Variants in TTC7A observed in about 807,000 individuals in gnomAD.
TTC7A encodes the protein tetratricopeptide repeat domain 7A.
In TTC7A, 110 loss-of-function variants were observed where a neutral mutation model predicts 103.7. That is an observed-to-expected ratio of 1.06 (90% CI 0.91 to 1.24). TTC7A has a LOEUF of 1.24. Ranked by LOEUF, TTC7A falls within the 50% of genes most tolerant of loss-of-function variation. The pLI, the probability that TTC7A is intolerant of heterozygous loss-of-function variation, is 0.00. For synonymous variants in TTC7A, 521 were observed against 467.9 expected (o/e 1.11, Z -1.47); for missense variants, 1,340 against 1,116.3 (o/e 1.20, Z -2.86).
At chr2:47,057,008 G>A (rs115754131) in intron 18 of TTC7A, among the ~76,000 whole-genome samples, 1,829 of 152,330 alleles carry the variant, frequency 0.012, 43 homozygotes, top group African/African-American at 0.042. Flanking sequence ...ATGGATGTGG[G>A]CACCACTGGG....
chr2:46,957,259 C>T (rs1426242267), intron 3 of TTC7A, among the ~76,000 whole-genome samples: 1 of 152,284 alleles, frequency 6.6e-6, no homozygotes, highest in East Asian at 1.9e-4. Flanking sequence ...TACCCTTGGG[C>T]AATCACCTCT....
intron 11 of TTC7A, among the ~76,000 whole-genome samples, chr2:47,013,259 C>T (rs1017891793): frequency 1.3e-5 from 2 of 152,172 alleles, no homozygotes; most frequent in Non-Finnish European, 2.9e-5. Context: ...TCATGAGTAT[C>T]AGGGAACCCT....
At chr2:46,962,229 C>G (rs1044406979) in intron 3 of TTC7A, among the ~76,000 whole-genome samples, 1 of 152,142 alleles carries the variant, frequency 6.6e-6, no homozygotes, top group Non-Finnish European at 1.5e-5. Context: ...TTTCTTCACT[C>G]TGCACAAAGC....
intron 15 of TTC7A, among the ~76,000 whole-genome samples, chr2:47,038,316 A>T (rs11901122): frequency 0.043 from 6,495 of 151,752 alleles, 188 homozygotes; most frequent in South Asian, 0.1. Flanking sequence ...CCAAGGTCAC[A>T]TGGCTACAAG....
chr2:47,062,521 G>A (rs1301995645), intron 19 of TTC7A, among the ~76,000 whole-genome samples: 1 of 152,168 alleles, frequency 6.6e-6, no homozygotes, highest in Non-Finnish European at 1.5e-5. Context: ...TTTGATAAAT[G>A]CCTCGCCAGA....
Position 47,074,033 on chromosome 2 carries a change from A to G in TTC7A, c.*110A>G, listed in dbSNP as rs1685012953. The G allele has an allele frequency of 5.1e-6, 4 of 791,412 alleles. No homozygotes were observed. The highest frequency in any genetic ancestry group is 3.7e-4 in the Middle Eastern group (1 of 2,704). 49.0% of individuals were successfully genotyped at this position (791,412 alleles called of 1,614,324 possible). Reference sequence around the variant, plus strand: ...CAGGTGCGGGGCCTCAGGGAAATACATCTTTAGTGAACGCCTCTGCAGCTG... The same window carrying G: ...CAGGTGCGGGGCCTCAGGGAAATACGTCTTTAGTGAACGCCTCTGCAGCTG... On this transcript the variant is annotated 3_prime_UTR_variant, in exon 20 of 20. Transcript: ENST00000319190.
At chr2:47,068,862 CAA>C (rs201835431) in intron 19 of TTC7A, among the ~76,000 whole-genome samples, 4 of 69,800 alleles carry the variant, frequency 5.7e-5, no homozygotes, top group East Asian at 2.3e-4. Flanking sequence ...TCAATTTTTT[CAA>C]AAAAAAAAAA....
chr2:46,939,844 C>G (rs1043985143), upstream of TTC7A, among the ~76,000 whole-genome samples: 2 of 152,188 alleles, frequency 1.3e-5, no homozygotes, highest in Admixed American at 6.5e-5. Context: ...CTGGAGTAAG[C>G]CAGGAGTTTA....
At chr2:46,975,816 A>G (rs1309962571) in intron 4 of TTC7A, among the ~76,000 whole-genome samples, 1 of 151,962 alleles carries the variant, frequency 6.6e-6, no homozygotes, top group Non-Finnish European at 1.5e-5. Context: ...AGCTCACTGT[A>G]ACCTCCACCT....
chr2:46,946,595 T>C (rs962605285), intron 1 of TTC7A, among the ~76,000 whole-genome samples: 2 of 152,086 alleles, frequency 1.3e-5, no homozygotes, highest in Non-Finnish European at 2.9e-5. Context: ...AGCTAACTTT[T>C]TTTGTGTGTA....
rs1019529826 is a variant in TTC7A, at chr2:47,007,723, C to T, written c.1287+999C>T. Among the ~76,000 whole-genome samples the T allele has an allele frequency of 2.0e-5, 3 of 152,122 alleles. No homozygotes were observed. The highest frequency in any genetic ancestry group is 2.1e-4 in the South Asian group (1 of 4,832). On this transcript the variant is annotated intron_variant, in intron 10 of 19. Coordinates refer to ENST00000319190, the MANE Select transcript of TTC7A (RefSeq NM_020458.4). This position sits in a 1 kb window ranked among gnomAD's most constrained non-coding sequence, Gnocchi z 4.9. ...AGGAGCAGGTGCTGCAGCCTGAGTG[C>T]GGGGAGAGGCTTGCTGGGGAGCCTT...
At chr2:46,956,550 CAG>C (rs928835819) in intron 2 of TTC7A, 8 of 368,520 alleles carry the variant, frequency 2.2e-5, no homozygotes, top group Non-Finnish European at 4.0e-5. Context: ...AGAGGGAAGA[CAG>C]GGCCTAGTCT....
Position 46,978,562 on chromosome 2 carries a change from T to TA in TTC7A, c.649-217dup, listed in dbSNP as rs74444627. Among the ~76,000 whole-genome samples, 157 of 132,752 alleles carry TA rather than the reference T, an allele frequency of 1.2e-3. 3 individuals are homozygous for TA. The highest frequency in any genetic ancestry group is 3.9e-3 in the Middle Eastern group (1 of 256). The allele number at this position is 132,752 out of a possible 152,430, so 87.1% of individuals were successfully genotyped here. ...GGCAACATAGTAAGACCCTGTTTCT[T>TA]AAAAAAAAAAAAAGACAGAGGGCTT... is the stretch of plus-strand genomic sequence containing the variant. On this transcript the variant is annotated intron_variant, in intron 4 of 19. Coordinates refer to ENST00000319190, the MANE Select transcript of TTC7A (RefSeq NM_020458.4).
chr2:46,935,225 G>A (rs1669918350), intron 2 of TTC7A, among the ~76,000 whole-genome samples: 1 of 152,072 alleles, frequency 6.6e-6, no homozygotes, highest in African/African-American at 2.4e-5. Context: ...GTGTGTGGAG[G>A]AACAGCTCAT....
intron 4 of TTC7A, among the ~76,000 whole-genome samples, 171 bp downstream of exon 4, chr2:46,975,274 C>A (rs968595580): frequency 6.6e-6 from 1 of 152,184 alleles, no homozygotes; most frequent in African/African-American, 2.4e-5. Flanking sequence ...ATACTGATTC[C>A]ACTAGAATGA....
At chr2:46,943,874 A>G (rs931712358) in intron 1 of TTC7A, among the ~76,000 whole-genome samples, 4 of 152,212 alleles carry the variant, frequency 2.6e-5, no homozygotes, top group Admixed American at 1.3e-4. Context: ...GGTGTCTGAT[A>G]TTTCCTACAG....
At chr2:46,979,233 A>C (rs1202808176) in intron 5 of TTC7A, among the ~76,000 whole-genome samples, 1 of 152,150 alleles carries the variant, frequency 6.6e-6, no homozygotes, top group Non-Finnish European at 1.5e-5. Flanking sequence ...AGCAAAGGAC[A>C]GTGAGCTGGC....
intron 2 of TTC7A, among the ~76,000 whole-genome samples, chr2:46,919,821 AG>A (rs922974524): frequency 1.3e-5 from 2 of 152,360 alleles, no homozygotes; most frequent in Admixed American, 1.3e-4. Flanking sequence ...AAGAAACTGC[AG>A]TTTCTTTTGT....
chr2:47,030,355 C>T lies in TTC7A; in HGVS notation c.1802+971C>T, dbSNP rs572232513. On this transcript the variant is annotated intron_variant, in intron 15 of 19. Coordinates refer to ENST00000319190, the MANE Select transcript of TTC7A (RefSeq NM_020458.4). Reference sequence around the variant, plus strand: ...GCCTAGGGAGGTTCCCATCACTGGGCTTTCACCTCTGTCCATCCCCAGCCC... The same window carrying T: ...GCCTAGGGAGGTTCCCATCACTGGGTTTTCACCTCTGTCCATCCCCAGCCC... Among the ~76,000 whole-genome samples, 529 of 151,986 alleles carry T rather than the reference C, an allele frequency of 3.5e-3. 1 individual carries two copies. The highest frequency in any genetic ancestry group is 6.5e-3 in the Non-Finnish European group (439 of 68,028).
Sources: gnomAD v4.1 joint callset for allele counts (sites outside exome capture counted in the v4.1 genomes callset) on GRCh38, gnomAD v4.1.1 for gene constraint, Gnocchi (gnomAD v3.1) non-coding constraint, MANE v1.5 for transcripts, NCBI Gene and HGNC (gene_info 2026-07-23, HGNC 2026-07-21) for gene names.